The following MIPOL1 variants were observed in gnomAD, a reference collection of about 807,000 sequenced individuals.
The protein encoded by MIPOL1 is mirror-image polydactyly gene 1 protein.
MIPOL1 carries 57 observed loss-of-function variants against 60.9 expected under a neutral mutation model. That is an observed-to-expected ratio of 0.94 (90% CI 0.76 to 1.17). The LOEUF (loss-of-function observed/expected upper bound fraction) is 1.17. MIPOL1 is among the 50% of genes most tolerant of loss of function. The probability of loss-of-function intolerance (pLI) is 0.00; values close to 1 mark genes in which losing one functional copy is unlikely to be tolerated. For synonymous variants in MIPOL1, 179 were observed against 168.8 expected, an observed-to-expected ratio of 1.06 and a Z score of -0.47; for missense variants, 551 against 511.6, an observed-to-expected ratio of 1.08 and a Z score of -0.74.
intron 7 of MIPOL1, 82 bp downstream of exon 7, chr14:37,285,529 A>G: frequency 7.2e-7 from 1 of 1,391,400 alleles, no homozygotes; most frequent in South Asian, 1.3e-5. Flanking sequence ...ATATTTAAAA[A>G]TGTGACTTAT....
chr14:37,480,644 G>A (rs1441955034), intron 11 of MIPOL1, among the ~76,000 whole-genome samples: 1 of 152,106 alleles, frequency 6.6e-6, no homozygotes, highest in Non-Finnish European at 1.5e-5. Flanking sequence ...TAAGATCTGG[G>A]ATCAGACAAG....
At chr14:37,532,048 A>G (rs999395951) in intron 12 of MIPOL1, among the ~76,000 whole-genome samples, 1 of 152,192 alleles carries the variant, frequency 6.6e-6, no homozygotes. Flanking sequence ...GTAAATTGAC[A>G]AAGTGTCTTT....
chr14:37,209,633 C>G (rs895714329), intron 1 of MIPOL1, among the ~76,000 whole-genome samples: 1 of 152,176 alleles, frequency 6.6e-6, no homozygotes, highest in Admixed American at 6.5e-5. Flanking sequence ...GTACTCCATC[C>G]TGGGTGACAG....
Position 37,378,799 on chromosome 14 carries a change from A to G in MIPOL1, c.936+9175A>G, listed in dbSNP as rs1258276801. Among the ~76,000 whole-genome samples, 2 of 152,038 alleles carry G rather than the reference A, an allele frequency of 1.3e-5. 1 individual carries two copies. The highest frequency in any genetic ancestry group is 2.9e-5 in the Non-Finnish European group (2 of 67,970). ...ACTAAAATTGACTTAAGAAGCAGAAAAGTAGACGGATGTATTGAAACAACT... is the reference window on the plus strand; with the variant it reads ...ACTAAAATTGACTTAAGAAGCAGAAGAGTAGACGGATGTATTGAAACAACT... On this transcript the variant is annotated intron_variant, in intron 10 of 12. Transcript: ENST00000684589.
intron 7 of MIPOL1, among the ~76,000 whole-genome samples, chr14:37,299,513 A>T (rs1490388815): frequency 6.6e-6 from 1 of 152,044 alleles, no homozygotes; most frequent in South Asian, 2.1e-4. Flanking sequence ...TAAGTTGCAT[A>T]TTCTGTTCAT....
chr14:37,248,031 C>A (rs755908287), intron 3 of MIPOL1, 124 bp downstream of exon 3: 86 of 819,864 alleles, frequency 1.0e-4, no homozygotes, highest in Non-Finnish European at 1.6e-4. Flanking sequence ...CACACACACA[C>A]AAAACATGCA....
At chr14:37,303,808 T>A (rs1325258510) in intron 7 of MIPOL1, among the ~76,000 whole-genome samples, 1 of 151,870 alleles carries the variant, frequency 6.6e-6, no homozygotes, top group East Asian at 1.9e-4. Flanking sequence ...AGTAATCATA[T>A]AAATGCTTAA....
intron 11 of MIPOL1, among the ~76,000 whole-genome samples, chr14:37,486,394 A>C (rs1385983142): frequency 2.0e-5 from 3 of 150,734 alleles, no homozygotes; most frequent in South Asian, 4.2e-4. Context: ...GCTTGATAGG[A>C]GCATTGAATC....
At chr14:37,318,112 C>T (rs933965331) in intron 9 of MIPOL1, among the ~76,000 whole-genome samples, 1 of 152,124 alleles carries the variant, frequency 6.6e-6, no homozygotes, top group African/African-American at 2.4e-5. Flanking sequence ...TTAGGGAGTG[C>T]AGCATAAGCT....
At chr14:37,475,252 T>C (rs2094753123) in intron 11 of MIPOL1, among the ~76,000 whole-genome samples, 1 of 152,092 alleles carries the variant, frequency 6.6e-6, no homozygotes, top group Non-Finnish European at 1.5e-5. Context: ...GGCTTACTCA[T>C]TTTTAAAATT....
intron 9 of MIPOL1, among the ~76,000 whole-genome samples, chr14:37,330,710 A>ATTTT (rs11472946): frequency 0.089 from 12,293 of 138,502 alleles, 1,351 homozygotes; most frequent in African/African-American, 0.25. Flanking sequence ...TGTCCTCTTC[A>ATTTT]TTTTTTTTTT....
At chr14:37,298,372 A>G (rs2085985896) in intron 7 of MIPOL1, among the ~76,000 whole-genome samples, 1 of 152,224 alleles carries the variant, frequency 6.6e-6, no homozygotes, top group South Asian at 2.1e-4. Context: ...AGGCAATACC[A>G]TTCAGGACAT....
intron 1 of MIPOL1, among the ~76,000 whole-genome samples, chr14:37,230,815 T>G (rs1186749206): frequency 6.6e-6 from 1 of 152,186 alleles, no homozygotes; most frequent in African/African-American, 2.4e-5. Flanking sequence ...ATTGTGCTAC[T>G]GCATGGCAAA....
intron 9 of MIPOL1, among the ~76,000 whole-genome samples, chr14:37,350,415 C>G (rs2091269794): frequency 6.6e-6 from 1 of 150,766 alleles, no homozygotes; most frequent in Admixed American, 6.6e-5. Context: ...TCTTTCTTTC[C>G]TATTTTTTTT....
intron 9 of MIPOL1, among the ~76,000 whole-genome samples, chr14:37,315,667 A>C (rs756268056): frequency 6.6e-6 from 1 of 152,118 alleles, no homozygotes; most frequent in African/African-American, 2.4e-5. Flanking sequence ...GTGATGGGGA[A>C]GTTTCTTTGG....
At chr14:37,208,721 G>A (rs146724898) in intron 1 of MIPOL1, among the ~76,000 whole-genome samples, 25 of 152,218 alleles carry the variant, frequency 1.6e-4, no homozygotes, top group African/African-American at 4.8e-4. Context: ...AGCCTCCTGC[G>A]TAGCTGGGAT....
chr14:37,416,957 A>G (rs2093781511), intron 10 of MIPOL1, among the ~76,000 whole-genome samples: 1 of 152,134 alleles, frequency 6.6e-6, no homozygotes, highest in East Asian at 1.9e-4. Context: ...TAAAGCATTT[A>G]CTATGTCCCA....
At chr14:37,238,343 C>T (rs1336967489) in intron 1 of MIPOL1, among the ~76,000 whole-genome samples, 1 of 152,060 alleles carries the variant, frequency 6.6e-6, no homozygotes, top group Non-Finnish European at 1.5e-5. Context: ...ATATATATCC[C>T]ATATTCTACC....
intron 11 of MIPOL1, among the ~76,000 whole-genome samples, chr14:37,478,501 G>C (rs1228844430): frequency 2.6e-5 from 4 of 152,040 alleles, no homozygotes; most frequent in African/African-American, 4.8e-5. Flanking sequence ...GATAGCAAGA[G>C]ATACCACAAA....
Sources: gnomAD v4.1 joint callset for allele counts (sites outside exome capture counted in the v4.1 genomes callset) on GRCh38, gnomAD v4.1.1 for gene constraint, MANE v1.5 for transcripts, NCBI Gene and HGNC (gene_info 2026-07-23, HGNC 2026-07-21) for gene names.